Variants in OR52N4 observed in about 807,000 individuals in gnomAD.
OR52N4 encodes the protein olfactory receptor family 52 subfamily N member 4, also known as olfactory receptor 52N4.
OR52N4 carries 15 observed loss-of-function variants against 15.0 expected under a neutral mutation model. The observed-to-expected ratio is 1.00, with a 90% confidence interval of 0.67 to 1.54. The LOEUF is 1.54. Ranked by LOEUF, OR52N4 falls within the 40% of genes most tolerant of loss-of-function variation. The pLI is 0.00. For synonymous variants in OR52N4, 143 were observed against 143.7 expected (o/e 1.00, Z 0.03); for missense variants, 421 against 394.0 (o/e 1.07, Z -0.58).
the OR52N4 span, among the ~76,000 whole-genome samples, chr11:5,748,534 A>C: frequency 6.6e-6 from 1 of 151,892 alleles, no homozygotes; most frequent in South Asian, 2.1e-4. Context: ...CCAACTATTC[A>C]TAATTCATTT....
At chr11:5,730,709 C>T in the OR52N4 span, among the ~76,000 whole-genome samples, 2 of 151,182 alleles carry the variant, frequency 1.3e-5, no homozygotes, top group African/African-American at 4.9e-5. Flanking sequence ...ACTTCTCACT[C>T]ATTCCAATCT....
At chr11:5,749,871 T>C (rs1854153705), upstream of OR52N4, among the ~76,000 whole-genome samples, 1 of 151,996 alleles carries the variant, frequency 6.6e-6, no homozygotes, top group Non-Finnish European at 1.5e-5. Flanking sequence ...CACCCCAGCA[T>C]AGCAAAGTCA....
At chr11:5,746,534 G>C in the OR52N4 span, among the ~76,000 whole-genome samples, 2 of 152,058 alleles carry the variant, frequency 1.3e-5, no homozygotes, top group African/African-American at 4.8e-5. Flanking sequence ...AAATATACAA[G>C]TGGCCAAGAA....
At chr11:5,750,963 C>G (rs2134211199), upstream of OR52N4, among the ~76,000 whole-genome samples, 1 of 151,866 alleles carries the variant, frequency 6.6e-6, no homozygotes, top group East Asian at 1.9e-4. Flanking sequence ...TAACATTGTC[C>G]CTCCATATCA....
rs754034580 is a variant in OR52N4 at position 5,754,807 on chromosome 11, G to T, written c.67G>T (p.Glu23Ter). The T allele has an allele frequency of 1.9e-6, 3 of 1,613,638 alleles. No homozygotes were observed. Among genetic ancestry groups the T allele is most frequent in the Non-Finnish European group, 2.5e-6 (3 of 1,179,744 alleles). Reference protein sequence around the residue: ...SFILNGVPGLEDTQLWISFPF... With the variant: ...SFILNGVPGL Reference sequence around the variant, plus strand: ...TATTCTGAATGGAGTCCCAGGACTGGAAGACACACAACTCTGGATTTCCTT... The same window carrying T: ...TATTCTGAATGGAGTCCCAGGACTGTAAGACACACAACTCTGGATTTCCTT... The change falls in exon 2 of 2, where the codon GAA (glutamate) becomes TAA (stop). Residue 23 changes from glutamate to a stop codon, truncating the protein, a stop_gained. Transcript: ENST00000641350. LOFTEE classifies it high-confidence loss of function.
At chr11:5,752,747 T>C (rs918851972), upstream of OR52N4, among the ~76,000 whole-genome samples, 10 of 152,152 alleles carry the variant, frequency 6.6e-5, no homozygotes, top group African/African-American at 2.4e-4. Context: ...CCAAATCAAG[T>C]AAGGGAATAT....
At chr11:5,729,806 TA>T in the OR52N4 span, among the ~76,000 whole-genome samples, 3 of 152,230 alleles carry the variant, frequency 2.0e-5, no homozygotes, top group African/African-American at 7.2e-5. Context: ...TGACAAGGAA[TA>T]AACTGTCTCC....
the OR52N4 span, among the ~76,000 whole-genome samples, chr11:5,728,248 T>C: frequency 7.1e-6 from 1 of 140,868 alleles, no homozygotes; most frequent in Non-Finnish European, 1.6e-5. Context: ...CATTGACTTA[T>C]CTCCTGAACC....
chr11:5,730,101 G>A, the OR52N4 span, among the ~76,000 whole-genome samples: 1 of 151,266 alleles, frequency 6.6e-6, no homozygotes, highest in South Asian at 2.1e-4. Context: ...GCATTCTTAT[G>A]TCCTATTCTT....
In OR52N4 at chr11:5,754,697, G is replaced by A. The variant is rs1235597666; in HGVS notation, c.-44G>A. ...TGTTTTTTTTTTTAACTCTAGGAAA[G>A]CCCAGACAAATTTTGAGCTATTTCA... On this transcript the variant is annotated 5_prime_UTR_variant, in exon 2 of 2. Coordinates refer to ENST00000641350, the MANE Select transcript of OR52N4 (RefSeq NM_001005175.5). 1 of 1,523,868 alleles carries A rather than the reference G, an allele frequency of 6.6e-7. No homozygotes were observed. The allele number at this position is 1,523,868 out of a possible 1,614,324, so 94.4% of individuals were successfully genotyped here.
At chr11:5,739,537 AG>A in the OR52N4 span, among the ~76,000 whole-genome samples, 1 of 91,932 alleles carries the variant, frequency 1.1e-5, no homozygotes, top group Non-Finnish European at 2.2e-5. Context: ...ACTCCAACCT[AG>A]GTGAAAGAGT....
upstream of OR52N4, among the ~76,000 whole-genome samples, chr11:5,752,746 G>T (rs1050403125): frequency 6.6e-6 from 1 of 152,100 alleles, no homozygotes; most frequent in Non-Finnish European, 1.5e-5. Flanking sequence ...ACCAAATCAA[G>T]TAAGGGAATA....
the OR52N4 span, among the ~76,000 whole-genome samples, chr11:5,734,395 G>C: frequency 6.6e-6 from 1 of 152,060 alleles, no homozygotes; most frequent in Admixed American, 6.6e-5. Context: ...TCCAAAAAAG[G>C]TTGAAGTCAG....
At chr11:5,737,012 A>T in the OR52N4 span, 1 of 1,614,028 alleles carries the variant, frequency 6.2e-7, no homozygotes, top group Non-Finnish European at 8.5e-7. Flanking sequence ...CTTATTTGTC[A>T]CTCCAGTGCC....
At chr11:5,728,076 T>G in the OR52N4 span, among the ~76,000 whole-genome samples, 5 of 152,218 alleles carry the variant, frequency 3.3e-5, no homozygotes, top group Non-Finnish European at 7.3e-5. Flanking sequence ...AGGTTAGGAA[T>G]AACTCTTCAT....
the OR52N4 span, among the ~76,000 whole-genome samples, chr11:5,730,219 T>C: frequency 2.3e-5 from 3 of 131,094 alleles, no homozygotes; most frequent in Admixed American, 2.7e-4. Flanking sequence ...TGAGATGGAG[T>C]CTCACTCTGG....
At chr11:5,741,345 C>G in the OR52N4 span, among the ~76,000 whole-genome samples, 2 of 152,000 alleles carry the variant, frequency 1.3e-5, no homozygotes, top group African/African-American at 4.8e-5. Context: ...TATTGAACAC[C>G]CTGGTCAGAA....
chr11:5,745,371 A>G, the OR52N4 span, among the ~76,000 whole-genome samples: 1 of 152,196 alleles, frequency 6.6e-6, no homozygotes, highest in African/African-American at 2.4e-5. Flanking sequence ...AAATCAAAGT[A>G]CAAAGATCAG....
At chr11:5,739,952 G>A in the OR52N4 span, among the ~76,000 whole-genome samples, 1 of 128,742 alleles carries the variant, frequency 7.8e-6, no homozygotes, top group Non-Finnish European at 1.7e-5. Context: ...TGCACTGAGG[G>A]CTGATACTTT....
Sources: gnomAD v4.1 joint callset for allele counts (sites outside exome capture counted in the v4.1 genomes callset) on GRCh38, gnomAD v4.1.1 for gene constraint, MANE v1.5 for transcripts, NCBI Gene and HGNC (gene_info 2026-07-23, HGNC 2026-07-21) for gene names.